MTRES1: variants seen among roughly 807,000 people sequenced by gnomAD.
MTRES1 encodes mitochondrial transcription rescue factor 1, also known as uncharacterized protein C6orf203.
A neutral mutation model predicts 17.4 loss-of-function variants in MTRES1; 11 were observed. The ratio of observed to expected loss-of-function variants is 0.63; its 90% CI spans 0.40 to 1.05. MTRES1 has a LOEUF of 1.05. Among genes scored for constraint, MTRES1 ranks in the 50% least tolerant of loss-of-function variants. MTRES1 has a pLI of 0.00. For missense variants in MTRES1, 268 were observed against 276.2 expected (o/e 0.97, Z 0.21); for synonymous variants, 94 against 99.6 (o/e 0.94, Z 0.34).
intron 3 of MTRES1, 52 bp from the exon 4 acceptor site, chr6:107,051,005 G>T: frequency 1.4e-6 from 2 of 1,460,756 alleles, no homozygotes; most frequent in Non-Finnish European, 1.9e-6. Context: ...TGTTTGCATT[G>T]GCCTGGATTT....
chr6:107,032,927 G>A (rs1554226604), intron 1 of MTRES1, among the ~76,000 whole-genome samples: 1 of 152,088 alleles, frequency 6.6e-6, no homozygotes, highest in Non-Finnish European at 1.5e-5. Context: ...CAGCCTCCCC[G>A]GACCTGCTTT....
chr6:107,045,286 C>G (rs1165817255), intron 3 of MTRES1, among the ~76,000 whole-genome samples: 1 of 151,898 alleles, frequency 6.6e-6, no homozygotes, highest in African/African-American at 2.4e-5. Flanking sequence ...TCGAGACCAT[C>G]CTGGCTAGCA....
At chr6:107,029,619 G>T (rs529362590) in intron 1 of MTRES1, among the ~76,000 whole-genome samples, 1 of 152,082 alleles carries the variant, frequency 6.6e-6, no homozygotes, top group East Asian at 1.9e-4. Flanking sequence ...AAATAGCTGT[G>T]ACTACAGGTG....
At chr6:107,033,343 G>A (rs1020124908) in intron 1 of MTRES1, among the ~76,000 whole-genome samples, 3 of 152,104 alleles carry the variant, frequency 2.0e-5, no homozygotes, top group Middle Eastern at 3.4e-3. Context: ...TCTGGAGGAA[G>A]AGGAGACCAT....
intron 2 of MTRES1, 87 bp downstream of exon 2, chr6:107,040,317 G>A: frequency 4.8e-6 from 6 of 1,253,088 alleles, no homozygotes; most frequent in Non-Finnish European, 6.5e-6. Context: ...CCATATTATG[G>A]TGAAGAATAA....
At chr6:107,047,197 T>C (rs1774422993) in intron 3 of MTRES1, among the ~76,000 whole-genome samples, 1 of 152,062 alleles carries the variant, frequency 6.6e-6, no homozygotes, top group Admixed American at 6.6e-5. Flanking sequence ...CAGAGTATCC[T>C]TTTCTTTGTA....
intron 1 of MTRES1, among the ~76,000 whole-genome samples, chr6:107,037,207 G>C (rs192668386): frequency 6.6e-6 from 1 of 152,212 alleles, no homozygotes; most frequent in Non-Finnish European, 1.5e-5. Flanking sequence ...TGCCTCCCAG[G>C]TTCAAGCACC....
At chr6:107,050,971 T>C (rs907153512) in intron 3 of MTRES1, 86 bp from the exon 4 acceptor site, 1 of 1,086,810 alleles carries the variant, frequency 9.2e-7, no homozygotes, top group Non-Finnish European at 1.4e-6. Flanking sequence ...GTCATGATCA[T>C]GTGGTGAAAA....
intron 3 of MTRES1, among the ~76,000 whole-genome samples, chr6:107,045,483 CAAAA>C (rs61396424): frequency 1.5e-5 from 2 of 132,012 alleles, no homozygotes; most frequent in Admixed American, 7.6e-5. Context: ...GACTTCGTCT[CAAAA>C]AAAAAAAAAA....
intron 2 of MTRES1, among the ~76,000 whole-genome samples, chr6:107,041,618 C>T (rs1412699322): frequency 2.6e-5 from 4 of 152,202 alleles, no homozygotes; most frequent in East Asian, 1.9e-4. Context: ...CTCCGCCTCC[C>T]GGGTTCACGC....
intron 2 of MTRES1, among the ~76,000 whole-genome samples, chr6:107,043,054 G>A (rs1311774067): frequency 1.3e-5 from 2 of 152,114 alleles, no homozygotes; most frequent in Non-Finnish European, 2.9e-5. Flanking sequence ...ATGGAGGGCC[G>A]GGTGCGGTGG....
Position 107,040,113 on chromosome 6 carries a change from A to G in MTRES1, c.353A>G (p.Gln118Arg). 2 of 1,613,892 alleles carry G rather than the reference A, an allele frequency of 1.2e-6. No individual in the cohort carries two copies. The highest frequency in any genetic ancestry group is 1.7e-6 in the Non-Finnish European group (2 of 1,180,026). ...AGCCATCATGATGAGATGAGTGAGC[A>G]GGAAGAGGAGCTTGAGGATGATCCT... is the stretch of plus-strand genomic sequence containing the variant. ...EESHHDEMSE[Q>R]EEELEDDPTV... Residue 118 changes from glutamine to arginine, a missense_variant, in exon 2 of 4, where the codon CAG (glutamine) becomes CGG (arginine). Coordinates refer to ENST00000311381, the MANE Select transcript of MTRES1 (RefSeq NM_016487.5).
chr6:107,042,829 G>A (rs1774264565), intron 2 of MTRES1, among the ~76,000 whole-genome samples: 1 of 152,160 alleles, frequency 6.6e-6, no homozygotes, highest in Non-Finnish European at 1.5e-5. Context: ...AGTACCCCAG[G>A]CCCCTGTCCA....
At chr6:107,050,620 G>GGGCT (rs1774567340) in intron 3 of MTRES1, among the ~76,000 whole-genome samples, 1 of 135,968 alleles carries the variant, frequency 7.4e-6, no homozygotes, top group Non-Finnish European at 1.5e-5. Context: ...TCTGTCGCCC[G>GGGCT]GGCTGGCATG....
intron 1 of MTRES1, among the ~76,000 whole-genome samples, chr6:107,035,555 G>A (rs1554226862): frequency 1.3e-5 from 2 of 152,198 alleles, no homozygotes; most frequent in Non-Finnish European, 2.9e-5. Flanking sequence ...GAGAGGCTGT[G>A]CTTATGAGTT....
At chr6:107,041,169 G>A (rs1226227715) in intron 2 of MTRES1, among the ~76,000 whole-genome samples, 1 of 150,964 alleles carries the variant, frequency 6.6e-6, no homozygotes, top group African/African-American at 2.4e-5. Flanking sequence ...AGCTTGCAGT[G>A]AGCCGAGATC....
intron 2 of MTRES1, among the ~76,000 whole-genome samples, chr6:107,043,817 G>A (rs1024292354): frequency 3.9e-5 from 6 of 152,132 alleles, no homozygotes; most frequent in Non-Finnish European, 5.9e-5. Flanking sequence ...ATATTTTAAA[G>A]CACTTTACCT....
intron 3 of MTRES1, among the ~76,000 whole-genome samples, chr6:107,049,021 A>G (rs1159517026): frequency 6.6e-6 from 1 of 151,988 alleles, no homozygotes; most frequent in African/African-American, 2.4e-5. Flanking sequence ...TGGATTGGCC[A>G]GTATACTGTT....
At chr6:107,037,449 G>A (rs1582600331) in intron 1 of MTRES1, among the ~76,000 whole-genome samples, 1 of 152,120 alleles carries the variant, frequency 6.6e-6, no homozygotes, top group African/African-American at 2.4e-5. Flanking sequence ...CACCTCAAGT[G>A]ATCCTCCCTC....
Sources: allele counts gnomAD v4.1 joint callset (sites outside exome capture counted in the v4.1 genomes callset), GRCh38; gene constraint gnomAD v4.1.1; transcripts MANE v1.5; gene names NCBI Gene and HGNC (gene_info 2026-07-23, HGNC 2026-07-21).